The following CNTN1 variants were observed in gnomAD, a reference collection of about 807,000 sequenced individuals.
The protein encoded by CNTN1 is contactin 1, also known as contactin-1.
CNTN1 carries 38 observed loss-of-function variants against 126.4 expected under a neutral mutation model. The observed-to-expected ratio is 0.30, with a 90% CI of 0.23 to 0.39. The LOEUF (loss-of-function observed/expected upper bound fraction) is 0.39. CNTN1 is among the 10% of genes least tolerant of loss of function. The pLI is 1.00. For synonymous variants in CNTN1, 413 were observed against 422.6 expected (o/e 0.98, Z 0.28); for missense variants, 1,009 against 1,248.4 (o/e 0.81, Z 2.89).
At chr12:40,889,918 A>T (rs12297672) in intron 1 of CNTN1, among the ~76,000 whole-genome samples, 29,640 of 152,078 alleles carry the variant, frequency 0.19, 5,041 homozygotes, top group African/African-American at 0.47. Context: ...AATTTTGAAG[A>T]TTAAAGGTAT....
chr12:40,869,052 ATTTT>A (rs1943400784), intron 1 of CNTN1, among the ~76,000 whole-genome samples: 2 of 151,922 alleles, frequency 1.3e-5, no homozygotes, highest in South Asian at 4.2e-4. Flanking sequence ...TTGAAAAAAA[ATTTT>A]ATGATTAAAT....
intron 23 of CNTN1, among the ~76,000 whole-genome samples, chr12:41,067,510 C>A (rs1426585523): frequency 6.6e-6 from 1 of 151,062 alleles, no homozygotes; most frequent in Non-Finnish European, 1.5e-5. Context: ...CAATTCCTAT[C>A]ACAAGAACAA....
At chr12:40,971,448 G>A in intron 15 of CNTN1, 2 of 1,596,094 alleles carry the variant, frequency 1.3e-6, no homozygotes, top group Non-Finnish European at 1.7e-6. Context: ...AAACAGAAAA[G>A]GTGGAGAGAA....
intron 17 of CNTN1, among the ~76,000 whole-genome samples, chr12:41,002,558 C>CTTTTTTTTTT (rs1360030646): frequency 7.4e-6 from 1 of 134,598 alleles, no homozygotes; most frequent in African/African-American, 2.8e-5. Context: ...GGGTTTCTTT[C>CTTTTTTTTTT]TTTTTTTTTT....
intron 3 of CNTN1, among the ~76,000 whole-genome samples, chr12:40,917,071 G>GA: frequency 8.1e-6 from 1 of 123,652 alleles, no homozygotes; most frequent in African/African-American, 2.8e-5. Flanking sequence ...CGGGGGGGGG[G>GA]GCAGAACTAA....
chr12:40,721,545 A>AATTATT lies in CNTN1; in HGVS notation c.-77+28971_-77+28976dup, dbSNP rs150431424. 2.3e-4 allele frequency among the ~76,000 whole-genome samples: 35 copies of AATTATT among 150,304 alleles called. No individual in the cohort carries two copies. In the South Asian group the frequency reaches 7.1e-3, roughly 31 times the overall value. On this transcript the variant is annotated intron_variant, in intron 1 of 23. Coordinates refer to ENST00000551295, the MANE Select transcript of CNTN1 (RefSeq NM_001843.4). The stretch of plus-strand genomic sequence containing the variant: ...CTGCTGAATTGGGACATCTTACATT[A>AATTATT]ATTATTATTATTATTATTATTATAC...
At chr12:40,699,128 T>A (rs143067535) in intron 1 of CNTN1, among the ~76,000 whole-genome samples, 4 of 152,192 alleles carry the variant, frequency 2.6e-5, no homozygotes, top group Admixed American at 2.6e-4. Context: ...TTGTACTGAT[T>A]GGTTACTTGT....
chr12:40,799,418 T>A (rs1592099916), intron 1 of CNTN1, among the ~76,000 whole-genome samples: 1 of 151,904 alleles, frequency 6.6e-6, no homozygotes, highest in Admixed American at 6.6e-5. Context: ...AAATGCCTGA[T>A]GAGTTTATTT....
intron 17 of CNTN1, among the ~76,000 whole-genome samples, chr12:41,006,004 TTC>T (rs1948483551): frequency 6.6e-6 from 1 of 152,208 alleles, no homozygotes; most frequent in Admixed American, 6.5e-5. Context: ...CTCTGGCTTT[TTC>T]AATTTTAAGC....
chr12:41,060,827 G>C (rs945266050), intron 23 of CNTN1, among the ~76,000 whole-genome samples: 1 of 152,134 alleles, frequency 6.6e-6, no homozygotes, highest in Non-Finnish European at 1.5e-5. Context: ...CAAGGTCTGA[G>C]TCTCTTCTGT....
intron 23 of CNTN1, among the ~76,000 whole-genome samples, chr12:41,050,958 G>T (rs1000559518): frequency 6.6e-6 from 1 of 151,988 alleles, no homozygotes; most frequent in African/African-American, 2.4e-5. Flanking sequence ...ACTATTATGA[G>T]ATTTCAGATT....
intron 1 of CNTN1, among the ~76,000 whole-genome samples, chr12:40,781,496 A>G (rs1326903586): frequency 6.6e-6 from 1 of 151,944 alleles, no homozygotes; most frequent in Admixed American, 6.6e-5. Context: ...TCCATGGGAG[A>G]CAAATATTTC....
chr12:40,786,454 G>A (rs1940022739), intron 1 of CNTN1, among the ~76,000 whole-genome samples: 1 of 152,160 alleles, frequency 6.6e-6, no homozygotes, highest in Non-Finnish European at 1.5e-5. Flanking sequence ...CATTAGATAA[G>A]AGGCATGTCC....
chr12:40,971,347 A>T, intron 15 of CNTN1: 2 of 1,148,426 alleles, frequency 1.7e-6, no homozygotes, highest in Non-Finnish European at 2.5e-6. Flanking sequence ...CCATCAAGGA[A>T]ATAGGGCAAA....
At chr12:41,069,718 GATC>G (rs1310455891) in intron 23 of CNTN1, among the ~76,000 whole-genome samples, 1 of 151,896 alleles carries the variant, frequency 6.6e-6, no homozygotes, top group Non-Finnish European at 1.5e-5. Context: ...ACACATTTGT[GATC>G]ATATTATTTT....
At chr12:40,860,071 A>G (rs1030742883) in intron 1 of CNTN1, among the ~76,000 whole-genome samples, 5 of 152,018 alleles carry the variant, frequency 3.3e-5, no homozygotes, top group African/African-American at 9.7e-5. Context: ...AGACTTTTAC[A>G]TTTTTTCTAA....
chr12:40,705,170 A>T (rs1666328890), intron 1 of CNTN1, among the ~76,000 whole-genome samples: 1 of 152,200 alleles, frequency 6.6e-6, no homozygotes, highest in Non-Finnish European at 1.5e-5. Context: ...AGCATCCAAA[A>T]ACAGTGGTAT....
At chr12:40,798,579 A>T (rs2136479443) in intron 1 of CNTN1, among the ~76,000 whole-genome samples, 1 of 152,046 alleles carries the variant, frequency 6.6e-6, no homozygotes, top group East Asian at 1.9e-4. Flanking sequence ...ACAAGATCAT[A>T]TCCTTTGCAG....
At chr12:40,772,268 A>C (rs922685965) in intron 1 of CNTN1, among the ~76,000 whole-genome samples, 1 of 152,104 alleles carries the variant, frequency 6.6e-6, no homozygotes, top group South Asian at 2.1e-4. Flanking sequence ...CATGTGGTAC[A>C]AGTAAAAAGC....
Sources: allele counts gnomAD v4.1 joint callset (sites outside exome capture counted in the v4.1 genomes callset), GRCh38; gene constraint gnomAD v4.1.1; transcripts MANE v1.5; gene names NCBI Gene and HGNC (gene_info 2026-07-23, HGNC 2026-07-21).